The following SYT14 variants were observed in gnomAD, a reference collection of about 807,000 sequenced individuals.
SYT14 encodes the protein synaptotagmin-14.
A neutral mutation model predicts 74.2 loss-of-function variants in SYT14; 32 were observed. The ratio of observed to expected loss-of-function variants is 0.43; its 90% CI spans 0.33 to 0.58. The LOEUF (loss-of-function observed/expected upper bound fraction) is 0.58. Ranked by LOEUF, SYT14 falls within the 20% of genes least tolerant of loss-of-function variation. The pLI, the probability that SYT14 is intolerant of heterozygous loss-of-function variation, is 0.05. For synonymous variants in SYT14, 298 were observed against 337.7 expected (o/e 0.88, Z 1.29); for missense variants, 791 against 981.8 (o/e 0.81, Z 2.60).
intron 2 of SYT14, chr1:209,965,763 A>G (rs1190730445): frequency 2.7e-6 from 1 of 375,996 alleles, no homozygotes; most frequent in Non-Finnish European, 5.2e-6. Flanking sequence ...CCTGATATGG[A>G]TATCTAATTG....
chr1:209,970,940 A>G (rs1231067752), intron 2 of SYT14, among the ~76,000 whole-genome samples: 1 of 151,844 alleles, frequency 6.6e-6, no homozygotes, highest in Non-Finnish European at 1.5e-5. Flanking sequence ...TTGGCCTCCC[A>G]AAGTGCTGGG....
chr1:210,070,838 T>C (rs749786750), intron 5 of SYT14, among the ~76,000 whole-genome samples: 5 of 151,876 alleles, frequency 3.3e-5, no homozygotes, highest in Non-Finnish European at 7.4e-5. Flanking sequence ...GTAGCAGTCA[T>C]GAGAGAAGCT....
At chr1:210,041,611 C>G (rs1460827860) in intron 5 of SYT14, among the ~76,000 whole-genome samples, 1 of 152,028 alleles carries the variant, frequency 6.6e-6, no homozygotes, top group Admixed American at 6.6e-5. Context: ...GTATACTATA[C>G]TACCTTTTAT....
intron 5 of SYT14, among the ~76,000 whole-genome samples, chr1:210,061,297 G>T (rs969217992): frequency 6.6e-6 from 1 of 151,914 alleles, no homozygotes; most frequent in African/African-American, 2.4e-5. Context: ...TATCTGGAGG[G>T]TTTCTTTAAA....
exon 4 of SYT14, chr1:210,016,631 T>C: frequency 8.1e-7 from 1 of 1,231,832 alleles, no homozygotes; most frequent in Non-Finnish European, 1.0e-6. Flanking sequence ...AATAAACAAA[T>C]TGTATGAGCA....
At chr1:210,130,594 T>C (rs2082653686) in intron 7 of SYT14, among the ~76,000 whole-genome samples, 1 of 152,250 alleles carries the variant, frequency 6.6e-6, no homozygotes, top group Non-Finnish European at 1.5e-5. Flanking sequence ...AGGCCATTTT[T>C]ACGGTGTATA....
At chr1:210,075,482 G>A (rs967612549) in intron 5 of SYT14, among the ~76,000 whole-genome samples, 5 of 151,776 alleles carry the variant, frequency 3.3e-5, no homozygotes, top group South Asian at 2.1e-4. Flanking sequence ...TTACAGGTGC[G>A]TGCCACCACG....
chr1:209,942,804 A>G (rs939183364), intron 1 of SYT14, among the ~76,000 whole-genome samples: 1 of 152,194 alleles, frequency 6.6e-6, no homozygotes, highest in African/African-American at 2.4e-5. Flanking sequence ...TGCCAAAGTA[A>G]AAAATAAACA....
intron 4 of SYT14, among the ~76,000 whole-genome samples, chr1:210,017,290 T>C (rs2080205525): frequency 6.6e-6 from 1 of 152,158 alleles, no homozygotes; most frequent in African/African-American, 2.4e-5. Context: ...AGAGCATTCA[T>C]GTTATTTGTC....
intron 2 of SYT14, among the ~76,000 whole-genome samples, chr1:209,976,425 A>G (rs934879361): frequency 6.6e-5 from 10 of 152,048 alleles, no homozygotes; most frequent in African/African-American, 2.4e-4. Context: ...GTTGGTTTCA[A>G]AGAGCATCTT....
chr1:210,059,762 G>A (rs527486258), intron 5 of SYT14, among the ~76,000 whole-genome samples: 31 of 152,188 alleles, frequency 2.0e-4, no homozygotes, highest in South Asian at 1.9e-3. Context: ...TATTGTGAGT[G>A]TTAAGAGTCT....
intron 7 of SYT14, among the ~76,000 whole-genome samples, chr1:210,150,214 C>T (rs1209471085): frequency 6.6e-6 from 1 of 152,100 alleles, no homozygotes; most frequent in Non-Finnish European, 1.5e-5. Flanking sequence ...GGAAACAAAC[C>T]TGAGAAATGG....
chr1:210,056,837 A>ATTTAT (rs1553272187), intron 5 of SYT14, among the ~76,000 whole-genome samples: 1 of 148,220 alleles, frequency 6.7e-6, no homozygotes, highest in African/African-American at 2.5e-5. Context: ...TGTTACTATT[A>ATTTAT]TTATTTATTT....
At chr1:210,150,231 G>A (rs1484962904) in intron 7 of SYT14, among the ~76,000 whole-genome samples, 2 of 152,170 alleles carry the variant, frequency 1.3e-5, no homozygotes, top group Non-Finnish European at 2.9e-5. Context: ...ATGGATAAAG[G>A]AGAACTGGTT....
At chr1:210,115,310 A>G (rs1040193955) in intron 7 of SYT14, among the ~76,000 whole-genome samples, 1 of 151,180 alleles carries the variant, frequency 6.6e-6, no homozygotes, top group Non-Finnish European at 1.5e-5. Context: ...ATAGTGAAGG[A>G]TGCAAGCCCA....
At chr1:210,137,658 C>G (rs2082815764) in intron 7 of SYT14, among the ~76,000 whole-genome samples, 1 of 148,120 alleles carries the variant, frequency 6.8e-6, no homozygotes, top group Admixed American at 6.7e-5. Flanking sequence ...CTCTGGGATT[C>G]TGGAAATGTT....
In SYT14 at chr1:210,118,339, G is replaced by A. The variant is rs1414730340; in HGVS notation, c.2034+17878G>A. Among the ~76,000 whole-genome samples, 9 of 152,134 alleles carry A rather than the reference G, an allele frequency of 5.9e-5. No individual in the cohort carries two copies. In the South Asian group the frequency reaches 1.7e-3, roughly 28 times the overall value. ...ATTTCAAAAATTATTTCTTTGGGGA[G>A]TATCTAGATTATGGACATCCTGAAA... On this transcript the variant is annotated intron_variant, in intron 7 of 9. Coordinates refer to ENST00000637265, the Ensembl canonical transcript of SYT14.
intron 5 of SYT14, among the ~76,000 whole-genome samples, chr1:210,074,866 G>A (rs1300085413): frequency 6.6e-6 from 1 of 152,202 alleles, no homozygotes; most frequent in African/African-American, 2.4e-5. Context: ...GTTACAGGGT[G>A]CTCTTTTAGT....
intron 2 of SYT14, among the ~76,000 whole-genome samples, chr1:209,979,663 T>C (rs2079444426): frequency 6.6e-6 from 1 of 152,136 alleles, no homozygotes. Flanking sequence ...GTCCATATGT[T>C]CTCATCACTC....
Sources: gnomAD v4.1 joint callset for allele counts (sites outside exome capture counted in the v4.1 genomes callset) on GRCh38, gnomAD v4.1.1 for gene constraint, MANE v1.5 for transcripts, NCBI Gene and HGNC (gene_info 2026-07-23, HGNC 2026-07-21) for gene names.